Variants in MAGI2 observed in about 807,000 individuals in gnomAD.
MAGI2 encodes membrane-associated guanylate kinase, WW and PDZ domain-containing protein 2.
In MAGI2, 35 loss-of-function variants were observed where a neutral mutation model predicts 133.3. That is an observed-to-expected ratio of 0.26 (90% CI 0.20 to 0.35). The LOEUF is 0.35. MAGI2 is among the 10% of genes least tolerant of loss of function. The pLI is 1.00. For missense variants in MAGI2, 1,636 were observed against 1,863.4 expected, an observed-to-expected ratio of 0.88 and a Z score of 2.25; for synonymous variants, 729 against 710.6, an observed-to-expected ratio of 1.03 and a Z score of -0.41.
At chr7:78,892,440 G>C (rs1017425982) in intron 2 of MAGI2, among the ~76,000 whole-genome samples, 1 of 152,194 alleles carries the variant, frequency 6.6e-6, no homozygotes, top group Admixed American at 6.5e-5. Context: ...TAAGCCAAAA[G>C]AACAAAGCCG....
At chr7:78,706,367 C>A (rs191265556) in intron 2 of MAGI2, among the ~76,000 whole-genome samples, 29 of 150,294 alleles carry the variant, frequency 1.9e-4, no homozygotes, top group Admixed American at 4.0e-4. Context: ...CCTTTCACCC[C>A]CCGCCATGAT....
chr7:78,630,826 C>T (rs976265820), intron 2 of MAGI2, among the ~76,000 whole-genome samples: 1 of 152,122 alleles, frequency 6.6e-6, no homozygotes, highest in Non-Finnish European at 1.5e-5. Context: ...TCAAAATTCA[C>T]AAATACATTT....
chr7:78,241,023 G>A (rs1791080697), intron 10 of MAGI2, among the ~76,000 whole-genome samples: 2 of 151,924 alleles, frequency 1.3e-5, no homozygotes, highest in Admixed American at 6.6e-5. Flanking sequence ...ATGTATTACT[G>A]TGTTTATTGT....
intron 3 of MAGI2, among the ~76,000 whole-genome samples, chr7:78,545,584 A>T (rs1798767280): frequency 6.6e-6 from 1 of 152,200 alleles, no homozygotes; most frequent in South Asian, 2.1e-4. Flanking sequence ...AAGGGCTATC[A>T]TGATGCCCTG....
At chr7:78,918,904 A>T (rs887270812) in intron 2 of MAGI2, among the ~76,000 whole-genome samples, 4 of 152,186 alleles carry the variant, frequency 2.6e-5, no homozygotes, top group Non-Finnish European at 4.4e-5. Context: ...CAAAGTGCTT[A>T]TCTGCCCTTA....
chr7:79,453,505 G>C lies in MAGI2; in HGVS notation c.-185C>G, dbSNP rs1221088028. ...TGTGGACGAGGAATGGGGAGGATGA[G>C]AGGGACGGCTGGGCAGAGGTAGGAG... is the stretch of plus-strand genomic sequence containing the variant. On this transcript the variant is annotated 5_prime_UTR_variant, in exon 1 of 22. Coordinates refer to ENST00000354212, the MANE Select transcript of MAGI2 (RefSeq NM_012301.4). 1 of 1,405,150 alleles carries C rather than the reference G, an allele frequency of 7.1e-7. No homozygotes were observed. The highest frequency in any genetic ancestry group is 9.2e-7 in the Non-Finnish European group (1 of 1,085,176). The allele number at this position is 1,405,150 out of a possible 1,614,324, so 87.0% of individuals were successfully genotyped here. A position where few individuals can be genotyped will look rare whatever the true frequency, so the allele number is the denominator to read the frequency against.
At chr7:79,407,156 C>T (rs888932970) in intron 1 of MAGI2, among the ~76,000 whole-genome samples, 2 of 152,090 alleles carry the variant, frequency 1.3e-5, no homozygotes, top group African/African-American at 4.8e-5. Flanking sequence ...AAAGAACTTG[C>T]TTCAGAATCA....
rs139766248 is a variant in MAGI2 at position 78,559,702 on chromosome 7, A to G, written c.539-38057T>C. Among the ~76,000 whole-genome samples the G allele has an allele frequency of 5.4e-3, 826 of 152,146 alleles. 8 individuals carry two copies. Among genetic ancestry groups the G allele is most frequent in the African/African-American group, 0.019 (779 of 41,506 alleles). ...CTACACTGAGCTTTTGTTGTGATTC[A>G]TTTTTTCTGTGCCTCCATTTCTTCA... On this transcript the variant is annotated intron_variant, in intron 3 of 21. Transcript: ENST00000354212.
At chr7:78,071,232 T>C (rs1035066487) in intron 21 of MAGI2, among the ~76,000 whole-genome samples, 1 of 152,218 alleles carries the variant, frequency 6.6e-6, no homozygotes, top group East Asian at 1.9e-4. Context: ...AATTCAGTGT[T>C]GTGTTCTTTA....
At chr7:78,373,382 T>A (rs537219711) in intron 6 of MAGI2, among the ~76,000 whole-genome samples, 4 of 152,286 alleles carry the variant, frequency 2.6e-5, no homozygotes. Context: ...TAGGTAATCG[T>A]TTATACGGAT....
intron 20 of MAGI2, among the ~76,000 whole-genome samples, chr7:78,099,377 A>G (rs17593727): frequency 0.12 from 18,370 of 152,186 alleles, 1,362 homozygotes; most frequent in Middle Eastern, 0.19. Flanking sequence ...TATACATTTT[A>G]CAATAGTGTT....
chr7:79,023,338 A>G (rs1809535574), intron 1 of MAGI2, among the ~76,000 whole-genome samples: 2 of 152,164 alleles, frequency 1.3e-5, no homozygotes, highest in African/African-American at 4.8e-5. Context: ...CATATTTCAA[A>G]ATAATAAAAG....
At chr7:78,972,419 T>C (rs1803870049) in intron 2 of MAGI2, among the ~76,000 whole-genome samples, 1 of 151,924 alleles carries the variant, frequency 6.6e-6, no homozygotes, top group African/African-American at 2.4e-5. Context: ...AATATCCTTT[T>C]ATTTTTAGAA....
intron 2 of MAGI2, among the ~76,000 whole-genome samples, chr7:78,822,352 T>C (rs1407965584): frequency 6.6e-6 from 1 of 152,138 alleles, no homozygotes; most frequent in African/African-American, 2.4e-5. Flanking sequence ...TTAACTTTTA[T>C]GGGAAATTTT....
intron 6 of MAGI2, among the ~76,000 whole-genome samples, chr7:78,396,519 T>C (rs1796359335): frequency 6.6e-6 from 1 of 152,222 alleles, no homozygotes; most frequent in Admixed American, 6.5e-5. Flanking sequence ...CTTTCACATA[T>C]CACATGCTTA....
At chr7:78,528,898 C>T (rs548896780) in intron 3 of MAGI2, among the ~76,000 whole-genome samples, 1 of 152,010 alleles carries the variant, frequency 6.6e-6, no homozygotes, top group South Asian at 2.1e-4. Context: ...AATACTTATA[C>T]TGAACAGTAA....
At chr7:79,021,324 G>A (rs1278137487) in intron 1 of MAGI2, among the ~76,000 whole-genome samples, 1 of 152,088 alleles carries the variant, frequency 6.6e-6, no homozygotes, top group Admixed American at 6.6e-5. Flanking sequence ...ACCCTAGAAT[G>A]GTTGATCCAC....
At chr7:79,070,441 G>T (rs1340064102) in intron 1 of MAGI2, among the ~76,000 whole-genome samples, 1 of 150,640 alleles carries the variant, frequency 6.6e-6, no homozygotes, top group African/African-American at 2.4e-5. Flanking sequence ...CTCGTGTTGT[G>T]TTTTCAGCTC....
intron 1 of MAGI2, among the ~76,000 whole-genome samples, chr7:79,295,606 G>C (rs1261667994): frequency 6.6e-6 from 1 of 151,718 alleles, no homozygotes; most frequent in Admixed American, 6.6e-5. Flanking sequence ...TAGTATGCCT[G>C]TCCAGACACT....
Sources: gnomAD v4.1 joint callset for allele counts (sites outside exome capture counted in the v4.1 genomes callset) on GRCh38, gnomAD v4.1.1 for gene constraint, MANE v1.5 for transcripts, NCBI Gene and HGNC (gene_info 2026-07-23, HGNC 2026-07-21) for gene names.